Variants in PPP6R3 observed in about 807,000 individuals in gnomAD.
The protein encoded by PPP6R3 is protein phosphatase 6 regulatory subunit 3, also known as serine/threonine-protein phosphatase 6 regulatory subunit 3.
A neutral mutation model predicts 110.7 loss-of-function variants in PPP6R3; 38 were observed. That is an observed-to-expected ratio of 0.34 (90% CI 0.26 to 0.45). PPP6R3 has a LOEUF of 0.45. PPP6R3 is among the 20% of genes least tolerant of loss of function. The pLI, the probability that PPP6R3 is intolerant of heterozygous loss-of-function variation, is 1.00. For synonymous variants in PPP6R3, 369 were observed against 373.5 expected (o/e 0.99, Z 0.14); for missense variants, 870 against 1,062.4 (o/e 0.82, Z 2.52).
intron 20 of PPP6R3, among the ~76,000 whole-genome samples, chr11:68,601,275 G>A (rs1199178485): frequency 1.3e-5 from 2 of 152,152 alleles, no homozygotes; most frequent in African/African-American, 4.8e-5. Context: ...TGTGATTGAA[G>A]CAGCTTGCTT....
At chr11:68,591,761 T>C (rs1451450795) in intron 18 of PPP6R3, 55 bp downstream of exon 18, 7 of 1,549,996 alleles carry the variant, frequency 4.5e-6, no homozygotes, top group Admixed American at 1.9e-5. Flanking sequence ...AGAAAATGAT[T>C]ATCATGAGAC....
intron 15 of PPP6R3, among the ~76,000 whole-genome samples, chr11:68,583,625 T>G (rs2099569424): frequency 6.6e-6 from 1 of 152,212 alleles, no homozygotes; most frequent in Non-Finnish European, 1.5e-5. Flanking sequence ...TGCCCCTGAA[T>G]TTATCATCTC....
chr11:68,536,023 G>A (rs2099268757), intron 2 of PPP6R3, among the ~76,000 whole-genome samples: 1 of 152,028 alleles, frequency 6.6e-6, no homozygotes, highest in South Asian at 2.1e-4. Flanking sequence ...CATATAAAAT[G>A]TTCAGTGATC....
chr11:68,609,844 C>G (rs1942456391), intron 22 of PPP6R3, 60 bp from the exon 23 acceptor site: 2 of 1,607,676 alleles, frequency 1.2e-6, no homozygotes, highest in Non-Finnish European at 8.5e-7. Context: ...ACCTCATCCT[C>G]TGGTGCCTAG....
intron 1 of PPP6R3, among the ~76,000 whole-genome samples, chr11:68,517,893 G>A (rs990824123): frequency 6.6e-6 from 1 of 151,332 alleles, no homozygotes; most frequent in Non-Finnish European, 1.5e-5. Context: ...AGCTGAGATT[G>A]CACCACTGCA....
At chr11:68,460,961 C>G (rs1419769293) in intron 1 of PPP6R3, 134 bp downstream of exon 1, 4 of 151,868 alleles carry the variant, frequency 2.6e-5, no homozygotes, top group Non-Finnish European at 4.4e-5. Context: ...CCCTCCCCCC[C>G]CGGAATTCGT....
intron 1 of PPP6R3, among the ~76,000 whole-genome samples, chr11:68,489,596 A>T (rs1261663160): frequency 2.0e-5 from 3 of 146,894 alleles, no homozygotes; most frequent in African/African-American, 7.7e-5. Context: ...GAACAAATTG[A>T]AGGTTTATGG....
intron 1 of PPP6R3, among the ~76,000 whole-genome samples, chr11:68,464,278 C>T (rs1246473523): frequency 2.6e-5 from 4 of 152,008 alleles, no homozygotes; most frequent in African/African-American, 4.8e-5. Context: ...ATTACAGGCA[C>T]CCGCCACCAT....
intron 1 of PPP6R3, among the ~76,000 whole-genome samples, chr11:68,511,217 CCA>C (rs1165747192): frequency 1.3e-5 from 2 of 151,454 alleles, no homozygotes; most frequent in Non-Finnish European, 2.9e-5. Context: ...AAGGCACGCG[CCA>C]CCACGTCCGG....
intron 8 of PPP6R3, among the ~76,000 whole-genome samples, chr11:68,563,017 GA>G (rs2099430830): frequency 6.6e-6 from 1 of 151,160 alleles, no homozygotes; most frequent in South Asian, 2.1e-4. Context: ...GGTATATGAA[GA>G]ATACCTAGGC....
intron 19 of PPP6R3, among the ~76,000 whole-genome samples, chr11:68,597,855 C>A (rs1184922964): frequency 6.6e-6 from 1 of 151,460 alleles, no homozygotes; most frequent in Admixed American, 6.6e-5. Flanking sequence ...TGGCATACAC[C>A]CATAGTCCCA....
intron 9 of PPP6R3, among the ~76,000 whole-genome samples, chr11:68,566,248 CTGCTGCTGCTGCTGT>C (rs1323281984): frequency 6.6e-6 from 1 of 152,124 alleles, no homozygotes; most frequent in African/African-American, 2.4e-5. Context: ...GCTGCTGCTG[CTGCTGCTGCTGCTGT>C]TGCTACTACT....
rs2099371648 is a variant in PPP6R3, at chr11:68,551,168, T to C, written c.600T>C (p.His200=). The C allele has an allele frequency of 3.1e-6, 5 of 1,610,918 alleles. No homozygotes were observed. The Admixed American group carries it at 6.7e-5, about 22-fold the overall frequency. ...TCCAGAGGCTTGTGGAAATAGTTCATCCATCGCAAGAAGAAGATGTAAGTT... is the reference window on the plus strand; with the variant it reads ...TCCAGAGGCTTGTGGAAATAGTTCACCCATCGCAAGAAGAAGATGTAAGTT... ...KIIQRLVEIV[H]PSQEEDRHSN... is the part of the protein sequence containing the mutation. The change falls in exon 6 of 24, where the codon CAT becomes CAC. Residue 200 remains histidine (H), a synonymous_variant. Coordinates refer to ENST00000393800, the MANE Select transcript of PPP6R3 (RefSeq NM_001164161.2).
At chr11:68,492,254 T>C (rs2098988850) in intron 1 of PPP6R3, among the ~76,000 whole-genome samples, 1 of 152,176 alleles carries the variant, frequency 6.6e-6, no homozygotes, top group Non-Finnish European at 1.5e-5. Flanking sequence ...ACTCCTGGGC[T>C]CAAGGGATCT....
At chr11:68,611,066 C>T (rs149002425) in intron 23 of PPP6R3, among the ~76,000 whole-genome samples, 2,373 of 152,246 alleles carry the variant, frequency 0.016, 27 homozygotes, top group Middle Eastern at 0.034. Flanking sequence ...ACTATTTGAG[C>T]ATGTTGGCTC....
intron 13 of PPP6R3, among the ~76,000 whole-genome samples, chr11:68,575,321 A>G (rs894982084): frequency 1.3e-5 from 2 of 152,256 alleles, no homozygotes; most frequent in African/African-American, 4.8e-5. Context: ...TGATTTTCTC[A>G]GAAAAGCAGT....
At chr11:68,536,474 A>G (rs2099271545) in intron 2 of PPP6R3, among the ~76,000 whole-genome samples, 1 of 152,010 alleles carries the variant, frequency 6.6e-6, no homozygotes, top group Non-Finnish European at 1.5e-5. Context: ...TATGTTGTGT[A>G]GGCCGTTCTT....
intron 23 of PPP6R3, among the ~76,000 whole-genome samples, chr11:68,611,422 G>T (rs1337515086): frequency 6.6e-6 from 1 of 152,158 alleles, no homozygotes; most frequent in Non-Finnish European, 1.5e-5. Context: ...TGCATAAGGG[G>T]AAGCCACTTG....
At chr11:68,466,758 G>A (rs2098749966) in intron 1 of PPP6R3, among the ~76,000 whole-genome samples, 1 of 152,216 alleles carries the variant, frequency 6.6e-6, no homozygotes, top group African/African-American at 2.4e-5. Context: ...GACTACAGGT[G>A]CCTGCCACCA....
Sources: allele counts gnomAD v4.1 joint callset (sites outside exome capture counted in the v4.1 genomes callset), GRCh38; gene constraint gnomAD v4.1.1; transcripts MANE v1.5; gene names NCBI Gene and HGNC (gene_info 2026-07-23, HGNC 2026-07-21).